Variants in NLRP13 observed in about 807,000 individuals in gnomAD.
NLRP13 encodes NLR family pyrin domain containing 13.
A neutral mutation model predicts 94.4 loss-of-function variants in NLRP13; 82 were observed. The ratio of observed to expected loss-of-function variants is 0.87; its 90% CI spans 0.73 to 1.04. The LOEUF (loss-of-function observed/expected upper bound fraction) is 1.04, where lower values mean the gene tolerates loss of function less well. NLRP13 is among the 50% of genes least tolerant of loss of function. The pLI is 0.00. For synonymous variants in NLRP13, 553 were observed against 464.7 expected (o/e 1.19, Z -2.45); for missense variants, 1,426 against 1,230.8 (o/e 1.16, Z -2.37).
At chr19:55,908,268 C>G (rs577050219) in intron 6 of NLRP13, among the ~76,000 whole-genome samples, 1 of 152,104 alleles carries the variant, frequency 6.6e-6, no homozygotes, top group Non-Finnish European at 1.5e-5. Flanking sequence ...AATGACCCCC[C>G]CATATACACA....
intron 4 of NLRP13, among the ~76,000 whole-genome samples, chr19:55,918,875 T>G (rs1224297864): frequency 1.3e-5 from 2 of 152,096 alleles, no homozygotes; most frequent in African/African-American, 4.8e-5. Flanking sequence ...TAATTCCTTT[T>G]ATTAAGCCAG....
intron 10 of NLRP13, among the ~76,000 whole-genome samples, chr19:55,896,384 T>C (rs182101105): frequency 4.2e-4 from 63 of 151,652 alleles, no homozygotes; most frequent in South Asian, 3.6e-3. Flanking sequence ...TAGCCAGGCA[T>C]GTTGGCATGC....
rs765440351 is a variant in NLRP13 at position 55,895,950 on chromosome 19, C to T, written c.3127G>A (p.Gly1043Arg). The T allele has an allele frequency of 4.3e-6, 7 of 1,613,568 alleles. No homozygotes were observed. The highest frequency in any genetic ancestry group is 1.6e-4 in the Middle Eastern group (1 of 6,084). ...TGCAGAAAAGTCAGTGAGGTTTACC[C>T]GAGTTTCTGCAGCCTGCATGTCGAC... Reference protein sequence around the residue: ...KKSTCRLQKLG With the variant: ...KKSTCRLQKLR The change falls in exon 11 of 11, where the codon GGG (glycine) becomes AGG (arginine). Residue 1043 changes from glycine (G) to arginine (R), a missense_variant. Gly to Arg is a moderately radical substitution (Grantham distance 125, BLOSUM62 -2). Transcript: ENST00000342929.
At chr19:55,894,805 C>G (rs1014606601), downstream of NLRP13, among the ~76,000 whole-genome samples, 1 of 152,134 alleles carries the variant, frequency 6.6e-6, no homozygotes, top group African/African-American at 2.4e-5. Context: ...GAAAAAGAAG[C>G]CACAAGTTAA....
chr19:55,903,610 C>G (rs927843357), intron 8 of NLRP13, among the ~76,000 whole-genome samples: 1 of 152,120 alleles, frequency 6.6e-6, no homozygotes, highest in African/African-American at 2.4e-5. Context: ...CCTATACCCC[C>G]AACCCAAACT....
Position 55,930,874 on chromosome 19 carries a change from T to TTTTA in NLRP13, c.319+1118_319+1119insTAAA, listed in dbSNP as rs55900335. Among the ~76,000 whole-genome samples the TTTTA allele has an allele frequency of 7.5e-3, 527 of 70,186 alleles. 10 individuals carry two copies. The highest frequency in any genetic ancestry group is 0.024 in the Middle Eastern group (4 of 164). The allele number at this position is 70,186 out of a possible 152,430, so 46.0% of individuals were successfully genotyped here. A position where few individuals can be genotyped will look rare whatever the true frequency, so the allele number is the denominator to read the frequency against. ...GGCTTACAGGAGATAGAATCAGTGA[T>TTTTA]TATATATATATATATATATATATAA... On this transcript the variant is annotated intron_variant, in intron 1 of 10. Transcript: ENST00000342929.
Position 55,902,046 on chromosome 19 carries a change from C to T in NLRP13, c.2778G>A (p.Leu926=), listed in dbSNP as rs1015363862. ...CEALGRPDGN[L]QSLNLSGCSF... ...CCAAGAAAACTTACTTCAGGCTCTGCAGGTTACCATCTGGGCGACCCAAGG... is the reference window on the plus strand; with the variant it reads ...CCAAGAAAACTTACTTCAGGCTCTGTAGGTTACCATCTGGGCGACCCAAGG... Residue 926 remains leucine (L), a synonymous_variant, in exon 9 of 11, where the codon CTG becomes CTA. Coordinates refer to ENST00000342929, the MANE Select transcript of NLRP13 (RefSeq NM_176810.2). The T allele has an allele frequency of 6.2e-7, 1 of 1,613,956 alleles. No homozygotes were observed. Among genetic ancestry groups the T allele is most frequent in the African/African-American group, 1.3e-5 (1 of 74,940 alleles).
At chr19:55,923,870 C>G (rs534533001) in intron 4 of NLRP13, 44 bp downstream of exon 4, 2 of 1,452,546 alleles carry the variant, frequency 1.4e-6, no homozygotes, top group Admixed American at 3.3e-5. Context: ...AACCAATGCT[C>G]GTCAAGCAAC....
chr19:55,891,984 G>A (rs1175288704), downstream of NLRP13: 6 of 688,370 alleles, frequency 8.7e-6, no homozygotes, highest in African/African-American at 1.9e-5. Context: ...AAGCCACGTG[G>A]CATCTAATCC....
chr19:55,919,449 T>C, intron 4 of NLRP13, among the ~76,000 whole-genome samples: 1 of 151,820 alleles, frequency 6.6e-6, no homozygotes, highest in East Asian at 1.9e-4. Context: ...GATATGATCT[T>C]ATATCTAGAA....
intron 1 of NLRP13, among the ~76,000 whole-genome samples, chr19:55,925,720 T>C (rs192984783): frequency 7.2e-5 from 11 of 152,312 alleles, no homozygotes; most frequent in Non-Finnish European, 1.3e-4. Flanking sequence ...GTGTAGTACA[T>C]AGCTGCTACA....
downstream of NLRP13, among the ~76,000 whole-genome samples, chr19:55,892,388 T>C (rs200013803): frequency 5.3e-5 from 8 of 151,306 alleles, no homozygotes; most frequent in South Asian, 8.4e-4. Context: ...TACACACACA[T>C]ACACACACAC....
rs768370432 is a variant in NLRP13, at chr19:55,932,165, CT to C, written c.146del (p.Gln49ArgfsTer12). The C allele has an allele frequency of 6.2e-7, 1 of 1,614,106 alleles. No individual in the cohort carries two copies. Among genetic ancestry groups the C allele is most frequent in the African/African-American group, 1.3e-5 (1 of 75,056 alleles). On this transcript the variant is annotated frameshift_variant, in exon 1 of 11. Coordinates refer to ENST00000342929, the MANE Select transcript of NLRP13 (RefSeq NM_176810.2). LOFTEE classifies it high-confidence loss of function. ...QQLMDFWSAPQGHFPRIPWAN... is the reference protein window; with the variant it reads ...QQLMDFWSAPXGHFPRIPWAN... The stretch of plus-strand genomic sequence containing the variant: ...CCCAGGGGATACGCGGGAAGTGCCC[CT>C]GGGGGGCCGACCAGAAGTCCATCAG...
intron 9 of NLRP13, among the ~76,000 whole-genome samples, chr19:55,899,458 T>A (rs559239039): frequency 4.0e-5 from 6 of 151,378 alleles, no homozygotes; most frequent in Non-Finnish European, 8.8e-5. Flanking sequence ...GAAAGAGTCA[T>A]CCAAAATCCT....
downstream of NLRP13, among the ~76,000 whole-genome samples, chr19:55,893,530 A>C (rs1381407215): frequency 6.6e-6 from 1 of 152,134 alleles, no homozygotes; most frequent in East Asian, 1.9e-4. Flanking sequence ...GGGACCTCCC[A>C]CCACCCTAGC....
At chr19:55,893,399 T>A (rs575775798), downstream of NLRP13, among the ~76,000 whole-genome samples, 3 of 152,120 alleles carry the variant, frequency 2.0e-5, no homozygotes, top group South Asian at 6.2e-4. Flanking sequence ...AAAAAAAAAG[T>A]AATGGCAAAA....
rs201072169 is a variant in NLRP13, at chr19:55,904,932, G to A, written c.2618+10C>T. ...AGTCATATCTAGAAATGGAAGTAGG[G>A]AAAACTTACTCCAGTCTCTCTAAGG... On this transcript the variant is annotated intron_variant, in intron 8 of 10. Coordinates refer to ENST00000342929, the MANE Select transcript of NLRP13 (RefSeq NM_176810.2). 173 of 1,607,812 alleles carry A rather than the reference G, an allele frequency of 1.1e-4. 1 individual carries two copies. In the African/African-American group the frequency reaches 1.9e-3, roughly 17 times the overall value.
intron 1 of NLRP13, among the ~76,000 whole-genome samples, chr19:55,928,925 C>T (rs910273475): frequency 6.6e-5 from 10 of 151,936 alleles, no homozygotes; most frequent in Non-Finnish European, 1.3e-4. Flanking sequence ...CTACAAACAA[C>T]TTAAATTTAC....
chr19:55,901,988 A>T, intron 9 of NLRP13, 47 bp downstream of exon 9: 4 of 1,597,974 alleles, frequency 2.5e-6, no homozygotes, highest in Non-Finnish European at 3.4e-6. Context: ...GTCAATTCCC[A>T]TGGCTCTCCT....
Sources: allele counts gnomAD v4.1 joint callset (sites outside exome capture counted in the v4.1 genomes callset), GRCh38; gene constraint gnomAD v4.1.1; transcripts MANE v1.5; gene names NCBI Gene and HGNC (gene_info 2026-07-23, HGNC 2026-07-21).